Variants in EHBP1 observed in about 807,000 individuals in gnomAD.
The protein encoded by EHBP1 is EH domain-binding protein 1.
A neutral mutation model predicts 144.0 loss-of-function variants in EHBP1; 55 were observed. The observed-to-expected ratio is 0.38, with a 90% CI of 0.31 to 0.48. The LOEUF is 0.48. EHBP1 is among the 20% of genes least tolerant of loss of function. The pLI is 0.98. For synonymous variants in EHBP1, 469 were observed against 472.7 expected, an observed-to-expected ratio of 0.99 and a Z score of 0.10; for missense variants, 1,200 against 1,364.2, an observed-to-expected ratio of 0.88 and a Z score of 1.90.
chr2:62,948,845 G>A lies in EHBP1; in HGVS notation c.1999G>A (p.Val667Ile). The A allele has an allele frequency of 6.2e-7, 1 of 1,614,080 alleles. No individual in the cohort carries two copies. ...AETLELSDLYVSDKKKDMSPP... is the reference protein window; with the variant it reads ...AETLELSDLYISDKKKDMSPP... The stretch of plus-strand genomic sequence containing the variant: ...GACTTTAGAATTGAGTGACTTATAT[G>A]TTAGTGATAAGAAGAAGGATATGTC... The change falls in exon 13 of 23, where the codon GTT becomes ATT. Residue 667 changes from valine (V) to isoleucine (I), a missense_variant. This residue lies in a region of EHBP1 where 543 missense variants were observed against 513.1 expected (regional missense o/e 1.06). Transcript: ENST00000431489.
At chr2:62,994,730 T>C (rs1223172793) in intron 18 of EHBP1, among the ~76,000 whole-genome samples, 4 of 152,276 alleles carry the variant, frequency 2.6e-5, no homozygotes, top group East Asian at 1.9e-4. Flanking sequence ...AAAATCCTTA[T>C]ACAAGTACAC....
chr2:62,802,063 T>C (rs896576429), intron 5 of EHBP1, among the ~76,000 whole-genome samples: 12 of 152,350 alleles, frequency 7.9e-5, no homozygotes, highest in Admixed American at 6.5e-4. Context: ...AACACCTTCC[T>C]AGAAAAGGCT....
At chr2:63,027,608 G>A (rs1196401862) in intron 19 of EHBP1, among the ~76,000 whole-genome samples, 1 of 152,194 alleles carries the variant, frequency 6.6e-6, no homozygotes, top group Non-Finnish European at 1.5e-5. Flanking sequence ...ACAAATGTGG[G>A]TGCGGACTGC....
In EHBP1 at chr2:63,023,512, T is replaced by C; in HGVS notation, c.3104-14023T>C. 1.3e-5 allele frequency among the ~76,000 whole-genome samples: 2 copies of C among 152,230 alleles called. 1 individual carries two copies. Among genetic ancestry groups the C allele is most frequent in the Non-Finnish European group, 2.9e-5 (2 of 68,040 alleles). On this transcript the variant is annotated intron_variant, in intron 19 of 22. Coordinates refer to ENST00000431489, the MANE Select transcript of EHBP1 (RefSeq NM_001142616.3). ...GACATTGATACATGAATTCACAGTA[T>C]ACAGAGTTGCAAACATCTGGCTTGT...
chr2:62,876,181 A>G (rs1242962391), intron 10 of EHBP1, among the ~76,000 whole-genome samples: 2 of 152,192 alleles, frequency 1.3e-5, no homozygotes, highest in African/African-American at 4.8e-5. Context: ...TCATATGGTC[A>G]TCAGATTCTC....
At chr2:62,778,433 A>G (rs1047576885) in intron 5 of EHBP1, among the ~76,000 whole-genome samples, 3 of 151,542 alleles carry the variant, frequency 2.0e-5, no homozygotes, top group African/African-American at 7.3e-5. Flanking sequence ...AGACCCAACT[A>G]CTTGGGAGGC....
At chr2:62,742,263 G>A (rs947766652) in intron 2 of EHBP1, among the ~76,000 whole-genome samples, 1 of 152,066 alleles carries the variant, frequency 6.6e-6, no homozygotes, top group African/African-American at 2.4e-5. Context: ...AAGAGGATGT[G>A]TATAGGTTAT....
At chr2:62,873,006 G>A (rs970924157) in intron 9 of EHBP1, among the ~76,000 whole-genome samples, 2 of 152,152 alleles carry the variant, frequency 1.3e-5, no homozygotes, top group African/African-American at 4.8e-5. Flanking sequence ...TTGTCTCAGA[G>A]GTGAATTACA....
At chr2:62,865,354 G>A (rs1326286856) in intron 9 of EHBP1, among the ~76,000 whole-genome samples, 6 of 152,148 alleles carry the variant, frequency 3.9e-5, no homozygotes, top group African/African-American at 1.4e-4. Flanking sequence ...ATAATCATTT[G>A]TGGTATTGAT....
At position 62,921,594 on chromosome 2, in the gene EHBP1, G is replaced by A. The variant is rs144939164; in HGVS notation, c.1186-21124G>A. On this transcript the variant is annotated intron_variant, in intron 10 of 22. Coordinates refer to ENST00000431489, the MANE Select transcript of EHBP1 (RefSeq NM_001142616.3). ...AGAAGGCAATAATGTAGGAAATGAA[G>A]GACAAAAAAGACTATGAGGCATACA... Among the ~76,000 whole-genome samples the A allele has an allele frequency of 9.9e-3, 1,499 of 151,676 alleles. 11 individuals are homozygous for A. Among genetic ancestry groups the A allele is most frequent in the Non-Finnish European group, 0.016 (1,079 of 67,888 alleles).
rs2061949362 is a variant in EHBP1 at position 63,046,198 on chromosome 2, A to G, written c.*698A>G. On this transcript the variant is annotated 3_prime_UTR_variant, in exon 23 of 23. Coordinates refer to ENST00000431489, the MANE Select transcript of EHBP1 (RefSeq NM_001142616.3). ...ACTAATTGATATGCACCAGTTTACAAAGACAGTCTTATCATCCGAGAATAC... is the reference window on the plus strand; with the variant it reads ...ACTAATTGATATGCACCAGTTTACAGAGACAGTCTTATCATCCGAGAATAC... 1 of 152,658 alleles carries G rather than the reference A, an allele frequency of 6.6e-6. No individual in the cohort carries two copies. The highest frequency in any genetic ancestry group is 2.4e-5 in the African/African-American group (1 of 41,444). 9.5% of individuals were successfully genotyped at this position (152,658 alleles called of 1,614,324 possible).
chr2:62,885,517 A>T (rs2051852115), intron 10 of EHBP1, among the ~76,000 whole-genome samples: 1 of 152,210 alleles, frequency 6.6e-6, no homozygotes, highest in African/African-American at 2.4e-5. Flanking sequence ...CTGACTATGA[A>T]TATAAATTAA....
chr2:62,757,834 C>G (rs926676226), intron 3 of EHBP1, among the ~76,000 whole-genome samples: 1 of 151,920 alleles, frequency 6.6e-6, no homozygotes, highest in Non-Finnish European at 1.5e-5. Flanking sequence ...AGAATTGACA[C>G]CCAGATAGGT....
intron 13 of EHBP1, among the ~76,000 whole-genome samples, chr2:62,949,503 T>C (rs547973660): frequency 6.6e-6 from 1 of 152,256 alleles, no homozygotes; most frequent in South Asian, 2.1e-4. Context: ...GGATATTGTG[T>C]AATAAGGCTA....
intron 3 of EHBP1, among the ~76,000 whole-genome samples, chr2:62,754,432 G>A (rs1034304729): frequency 2.6e-5 from 4 of 152,302 alleles, no homozygotes; most frequent in African/African-American, 7.2e-5. Context: ...TAGGCTACTC[G>A]GGGTTTAGGG....
chr2:62,793,297 C>T (rs2043296466), intron 5 of EHBP1, among the ~76,000 whole-genome samples: 1 of 152,030 alleles, frequency 6.6e-6, no homozygotes, highest in African/African-American at 2.4e-5. Flanking sequence ...TTCAACCACT[C>T]ACAAAACTGC....
intron 10 of EHBP1, among the ~76,000 whole-genome samples, chr2:62,917,505 A>G (rs2054728218): frequency 6.6e-6 from 1 of 152,168 alleles, no homozygotes; most frequent in African/African-American, 2.4e-5. Context: ...AACATTAAGT[A>G]GTAACAGAGT....
At chr2:63,030,378 T>C (rs1216138510) in intron 19 of EHBP1, among the ~76,000 whole-genome samples, 1 of 152,122 alleles carries the variant, frequency 6.6e-6, no homozygotes, top group African/African-American at 2.4e-5. Flanking sequence ...CTTATAAATA[T>C]CTGTTTTAAT....
intron 6 of EHBP1, among the ~76,000 whole-genome samples, chr2:62,830,618 T>C (rs1199563399): frequency 2.0e-5 from 3 of 152,232 alleles, no homozygotes; most frequent in African/African-American, 7.2e-5. Flanking sequence ...CTGCTGATGA[T>C]TTCTTTTGCT....
Sources: allele counts gnomAD v4.1 joint callset (sites outside exome capture counted in the v4.1 genomes callset), GRCh38; gene constraint gnomAD v4.1.1; regional missense constraint gnomAD v4.1.1; transcripts MANE v1.5; gene names NCBI Gene and HGNC (gene_info 2026-07-23, HGNC 2026-07-21).